The following TSHZ2 variants were observed in gnomAD, a reference collection of about 807,000 sequenced individuals.
The protein encoded by TSHZ2 is teashirt zinc finger homeobox 2.
TSHZ2 carries 21 observed loss-of-function variants against 74.4 expected under a neutral mutation model. The observed-to-expected ratio is 0.28, with a 90% CI of 0.20 to 0.41. The LOEUF (loss-of-function observed/expected upper bound fraction) is 0.41. Among genes scored for constraint, TSHZ2 ranks in the 10% least tolerant of loss-of-function variants. TSHZ2 has a pLI of 1.00. For synonymous variants in TSHZ2, 540 were observed against 515.3 expected, an observed-to-expected ratio of 1.05 and a Z score of -0.65; for missense variants, 1,244 against 1,293.5, an observed-to-expected ratio of 0.96 and a Z score of 0.59.
chr20:53,078,494 T>G (rs1985434753), intron 1 of TSHZ2, among the ~76,000 whole-genome samples: 1 of 152,220 alleles, frequency 6.6e-6, no homozygotes, highest in Non-Finnish European at 1.5e-5. Flanking sequence ...ATATTTGGGA[T>G]CATGTTAACA....
intron 2 of TSHZ2, among the ~76,000 whole-genome samples, chr20:53,479,116 G>T (rs1413624653): frequency 6.7e-6 from 1 of 149,400 alleles, no homozygotes; most frequent in Non-Finnish European, 1.5e-5. Flanking sequence ...AGTGAGCCAA[G>T]ATCGCGCCAC....
At chr20:53,442,240 C>T (rs1035582744) in intron 2 of TSHZ2, among the ~76,000 whole-genome samples, 2 of 152,114 alleles carry the variant, frequency 1.3e-5, no homozygotes, top group Admixed American at 6.6e-5. Flanking sequence ...AGTATGTTTC[C>T]CTGCAACCGC....
intron 2 of TSHZ2, among the ~76,000 whole-genome samples, chr20:53,321,936 G>T (rs1314690072): frequency 6.6e-6 from 1 of 152,110 alleles, no homozygotes; most frequent in East Asian, 1.9e-4. Context: ...TGCCACAAGA[G>T]GGCCGCCATC....
chr20:53,311,110 A>G lies in TSHZ2; in HGVS notation c.*8+54539A>G, dbSNP rs184813416. 1.4e-3 allele frequency among the ~76,000 whole-genome samples: 220 copies of G among 152,388 alleles called. 3 individuals carry two copies. The highest frequency in any genetic ancestry group is 1.2e-3 in the Non-Finnish European group (79 of 68,044). On this transcript the variant is annotated intron_variant, in intron 2 of 2. Transcript: ENST00000371497. ...GCAATAAGCTAAAAGTAAGAATTAT[A>G]GCACAGAGCAGAATTGCATCTCACA... is the stretch of plus-strand genomic sequence containing the variant.
chr20:53,075,520 G>T (rs891783579), intron 1 of TSHZ2, among the ~76,000 whole-genome samples: 1 of 152,178 alleles, frequency 6.6e-6, no homozygotes, highest in African/African-American at 2.4e-5. Flanking sequence ...AATCAGGGAG[G>T]TTAGTTTCTG....
At chr20:53,310,846 C>T (rs1049981466) in intron 2 of TSHZ2, among the ~76,000 whole-genome samples, 8 of 152,112 alleles carry the variant, frequency 5.3e-5, no homozygotes, top group African/African-American at 1.2e-4. Flanking sequence ...ATAACCTTGC[C>T]GTATTCTATT....
intron 2 of TSHZ2, among the ~76,000 whole-genome samples, chr20:53,462,140 G>C (rs1015279563): frequency 6.6e-6 from 1 of 152,162 alleles, no homozygotes; most frequent in Non-Finnish European, 1.5e-5. Flanking sequence ...TGTAATCTCA[G>C]CTGCTTGGGA....
chr20:53,269,606 A>T (rs1227983581), intron 2 of TSHZ2, among the ~76,000 whole-genome samples: 1 of 152,142 alleles, frequency 6.6e-6, no homozygotes, highest in African/African-American at 2.4e-5. Context: ...GAGGAGGAGG[A>T]TCTGATGATG....
intron 2 of TSHZ2, among the ~76,000 whole-genome samples, chr20:53,317,538 A>C (rs1979075238): frequency 6.6e-6 from 1 of 152,202 alleles, no homozygotes; most frequent in African/African-American, 2.4e-5. Flanking sequence ...GTTTGAACTG[A>C]AAATGCACAA....
At chr20:53,187,372 G>A (rs1051086549) in intron 1 of TSHZ2, among the ~76,000 whole-genome samples, 1 of 152,166 alleles carries the variant, frequency 6.6e-6, no homozygotes, top group African/African-American at 2.4e-5. Flanking sequence ...TCGTGTTATC[G>A]TTTAAAGCTG....
At position 53,340,173 on chromosome 20, in the gene TSHZ2, C is replaced by CTTTTTTTTTTTTTTT. The variant is rs1285149762; in HGVS notation, c.*8+83605_*8+83606insTTTTTTTTTTTTTTT. On this transcript the variant is annotated intron_variant, in intron 2 of 2. Coordinates refer to ENST00000371497, the MANE Select transcript of TSHZ2 (RefSeq NM_173485.6). ...GCTAGGATAAAACAAGGTGACTTTT[C>CTTTTTTTTTTTTTTT]TTTCTTTTTTCTTTTTTTTTTTTTT... is the stretch of plus-strand genomic sequence containing the variant. Among the ~76,000 whole-genome samples, 55 of 62,100 alleles carry CTTTTTTTTTTTTTTT rather than the reference C, an allele frequency of 8.9e-4. 3 individuals carry two copies. Among genetic ancestry groups the CTTTTTTTTTTTTTTT allele is most frequent in the African/African-American group, 3.9e-3 (49 of 12,592 alleles). 40.7% of individuals were successfully genotyped at this position (62,100 alleles called of 152,430 possible).
At chr20:52,989,182 T>A (rs1202012669) in intron 1 of TSHZ2, among the ~76,000 whole-genome samples, 2 of 134,586 alleles carry the variant, frequency 1.5e-5, no homozygotes, top group South Asian at 2.3e-4. Flanking sequence ...AAAAAAAAAA[T>A]CAATTGTTTT....
intron 2 of TSHZ2, among the ~76,000 whole-genome samples, chr20:53,314,000 A>C (rs1025185055): frequency 1.3e-5 from 2 of 152,102 alleles, no homozygotes; most frequent in Non-Finnish European, 2.9e-5. Context: ...AGAAGTGACC[A>C]CTCGATAAAT....
intron 1 of TSHZ2, among the ~76,000 whole-genome samples, chr20:53,215,245 A>G (rs1019424613): frequency 1.3e-5 from 2 of 152,154 alleles, no homozygotes; most frequent in Non-Finnish European, 2.9e-5. Flanking sequence ...GCCCTGCCAC[A>G]TCATCCCAAG....
chr20:53,316,026 G>A (rs970165798), intron 2 of TSHZ2, among the ~76,000 whole-genome samples: 3 of 152,200 alleles, frequency 2.0e-5, no homozygotes, highest in Non-Finnish European at 4.4e-5. Flanking sequence ...ATGGAAGCTA[G>A]TGGGTTCAAG....
At chr20:53,417,241 G>GAC (rs56822266) in intron 2 of TSHZ2, among the ~76,000 whole-genome samples, 7,401 of 138,022 alleles carry the variant, frequency 0.054, 383 homozygotes, top group African/African-American at 0.13. Context: ...GACACACACA[G>GAC]ACACACACAC....
At position 53,488,810 on chromosome 20, in the gene TSHZ2, T is replaced by C; in HGVS notation, c.*1675T>C. On this transcript the variant is annotated 3_prime_UTR_variant, in exon 3 of 3. Transcript: ENST00000371497. ...TGGAATTGTTTTGGAAATTTTGACA[T>C]GATCCCTAAATTCAACATTGGGATT... The C allele has an allele frequency of 3.1e-6, 1 of 323,632 alleles. No homozygotes were observed. The highest frequency in any genetic ancestry group is 2.6e-5 in the South Asian group (1 of 38,614). 20.0% of individuals were successfully genotyped at this position (323,632 alleles called of 1,614,324 possible). A position where few individuals can be genotyped will look rare whatever the true frequency, so the allele number is the denominator to read the frequency against.
intron 2 of TSHZ2, chr20:53,461,626 A>G (rs1985376382): frequency 6.6e-6 from 1 of 152,160 alleles, no homozygotes; most frequent in Admixed American, 6.5e-5. Flanking sequence ...AATATATAAA[A>G]CAGATGAATA....
At chr20:53,132,904 C>T (rs1006960896) in intron 1 of TSHZ2, among the ~76,000 whole-genome samples, 3 of 152,054 alleles carry the variant, frequency 2.0e-5, no homozygotes, top group African/African-American at 7.2e-5. Flanking sequence ...TTCTTGCTTC[C>T]TTCATTCCCT....
Sources: gnomAD v4.1 joint callset for allele counts (sites outside exome capture counted in the v4.1 genomes callset) on GRCh38, gnomAD v4.1.1 for gene constraint, MANE v1.5 for transcripts, NCBI Gene and HGNC (gene_info 2026-07-23, HGNC 2026-07-21) for gene names.